CAMK1D: variants seen among roughly 807,000 people sequenced by gnomAD.
CAMK1D encodes the protein calcium/calmodulin-dependent protein kinase type 1D.
In CAMK1D, 9 loss-of-function variants were observed where a neutral mutation model predicts 47.7. The observed-to-expected ratio is 0.19, with a 90% confidence interval of 0.11 to 0.33. CAMK1D has a LOEUF of 0.33. CAMK1D is among the 10% of genes least tolerant of loss of function. The pLI is 1.00. For synonymous variants in CAMK1D, 184 were observed against 184.9 expected, an observed-to-expected ratio of 0.99 and a Z score of 0.04; for missense variants, 291 against 488.7, an observed-to-expected ratio of 0.60 and a Z score of 3.81.
chr10:12,514,609 G>C (rs1375535957), intron 1 of CAMK1D, among the ~76,000 whole-genome samples: 1 of 152,228 alleles, frequency 6.6e-6, no homozygotes, highest in African/African-American at 2.4e-5. Context: ...TTGCCTCAAA[G>C]TCTGTATTAT....
intron 1 of CAMK1D, among the ~76,000 whole-genome samples, chr10:12,365,059 C>T (rs751162567): frequency 4.6e-5 from 7 of 151,644 alleles, no homozygotes; most frequent in African/African-American, 1.5e-4. Flanking sequence ...CAGGTTCAAG[C>T]GATTCTCCTG....
chr10:12,599,055 T>G (rs1588675712), intron 2 of CAMK1D, among the ~76,000 whole-genome samples: 1 of 152,276 alleles, frequency 6.6e-6, no homozygotes, highest in South Asian at 2.1e-4. Flanking sequence ...GCCCATGATT[T>G]AGGAAAGGCC....
chr10:12,633,416 G>A (rs1360195726), intron 2 of CAMK1D, among the ~76,000 whole-genome samples: 1 of 152,150 alleles, frequency 6.6e-6, no homozygotes, highest in Non-Finnish European at 1.5e-5. Context: ...AGATTGACCT[G>A]GAGAAGGTCA....
chr10:12,644,697 T>G (rs998791851), intron 2 of CAMK1D, among the ~76,000 whole-genome samples: 6 of 152,226 alleles, frequency 3.9e-5, no homozygotes, highest in African/African-American at 1.4e-4. Flanking sequence ...CTTCTAGCCT[T>G]TTCTACTGAA....
At chr10:12,473,970 C>G (rs1414438486) in intron 1 of CAMK1D, among the ~76,000 whole-genome samples, 1 of 152,072 alleles carries the variant, frequency 6.6e-6, no homozygotes, top group African/African-American at 2.4e-5. Flanking sequence ...TATTTTTAAA[C>G]CCAGGATAGT....
chr10:12,380,684 A>G (rs12267756), intron 1 of CAMK1D, among the ~76,000 whole-genome samples: 28,759 of 152,094 alleles, frequency 0.19, 2,952 homozygotes, highest in African/African-American at 0.26. Flanking sequence ...GTGAAACCCC[A>G]TCTCTACTAA....
At chr10:12,585,588 C>G (rs1837792336) in intron 2 of CAMK1D, among the ~76,000 whole-genome samples, 1 of 152,312 alleles carries the variant, frequency 6.6e-6, no homozygotes, top group East Asian at 1.9e-4. Context: ...AATGGCACAT[C>G]TTACATGGTG....
At chr10:12,484,913 G>A (rs1023331409) in intron 1 of CAMK1D, among the ~76,000 whole-genome samples, 2 of 152,134 alleles carry the variant, frequency 1.3e-5, no homozygotes, top group African/African-American at 4.8e-5. Flanking sequence ...GGTGTGCCCC[G>A]CAGAAATCTC....
At chr10:12,740,096 TC>T (rs773072555) in intron 3 of CAMK1D, among the ~76,000 whole-genome samples, 2 of 152,224 alleles carry the variant, frequency 1.3e-5, no homozygotes, top group Non-Finnish European at 2.9e-5. Context: ...TTCTCCACCT[TC>T]CTTCTGTGAA....
At chr10:12,396,229 G>C (rs1838949373) in intron 1 of CAMK1D, among the ~76,000 whole-genome samples, 1 of 152,288 alleles carries the variant, frequency 6.6e-6, no homozygotes, top group Middle Eastern at 3.4e-3. Flanking sequence ...CCTTAACTCG[G>C]AGCAGCAGTG....
At chr10:12,746,283 G>GA (rs1004525863) in intron 3 of CAMK1D, among the ~76,000 whole-genome samples, 2 of 149,200 alleles carry the variant, frequency 1.3e-5, no homozygotes, top group African/African-American at 5.0e-5. Flanking sequence ...AGAATGGCGT[G>GA]AACCCGGGAG....
At chr10:12,594,177 A>G (rs1285393354) in intron 2 of CAMK1D, among the ~76,000 whole-genome samples, 1 of 152,202 alleles carries the variant, frequency 6.6e-6, no homozygotes, top group Non-Finnish European at 1.5e-5. Context: ...AAGTTCTGTC[A>G]TTATAAGAGG....
At chr10:12,685,279 C>T (rs1032176321) in intron 3 of CAMK1D, among the ~76,000 whole-genome samples, 1 of 152,166 alleles carries the variant, frequency 6.6e-6, no homozygotes, top group African/African-American at 2.4e-5. Context: ...CCAGCCTGGG[C>T]GACAGAACGA....
At chr10:12,387,906 T>G (rs1288456086) in intron 1 of CAMK1D, among the ~76,000 whole-genome samples, 1 of 152,188 alleles carries the variant, frequency 6.6e-6, no homozygotes, top group Non-Finnish European at 1.5e-5. Context: ...AAATTTCCCT[T>G]TCGCCCCTGC....
intron 1 of CAMK1D, among the ~76,000 whole-genome samples, chr10:12,430,183 GTTTGGGA>G (rs1293591552): frequency 6.6e-6 from 1 of 152,102 alleles, no homozygotes; most frequent in African/African-American, 2.4e-5. Context: ...AATCCTGCTC[GTTTGGGA>G]TTTGTGAGCA....
intron 3 of CAMK1D, among the ~76,000 whole-genome samples, chr10:12,714,432 G>T (rs1834042163): frequency 6.6e-6 from 1 of 151,892 alleles, no homozygotes; most frequent in South Asian, 2.1e-4. Context: ...ATAAATAGGT[G>T]CATTAAGGCC....
chr10:12,817,749 G>C (rs564214294), intron 8 of CAMK1D, among the ~76,000 whole-genome samples: 1 of 152,128 alleles, frequency 6.6e-6, no homozygotes, highest in Non-Finnish European at 1.5e-5. Context: ...GGAGTGCAGT[G>C]GGGCAGTCTC....
chr10:12,563,694 A>AGAGAGAGAGAGAGAGAGAGAGAGAGG (rs1837024527), intron 2 of CAMK1D, among the ~76,000 whole-genome samples: 1 of 64,374 alleles, frequency 1.6e-5, no homozygotes, highest in African/African-American at 5.0e-5. Context: ...AGAGAGAGAG[A>AGAGAGAGAGAGAGAGAGAGAGAGAGG]GAGAGGGAGA....
intron 1 of CAMK1D, among the ~76,000 whole-genome samples, chr10:12,400,130 G>A (rs1356857902): frequency 1.3e-5 from 2 of 152,158 alleles, no homozygotes; most frequent in African/African-American, 4.8e-5. Context: ...TACGACTTTA[G>A]GAATTTAAGA....
Sources: gnomAD v4.1 joint callset for allele counts (sites outside exome capture counted in the v4.1 genomes callset) on GRCh38, gnomAD v4.1.1 for gene constraint, MANE v1.5 for transcripts, NCBI Gene and HGNC (gene_info 2026-07-23, HGNC 2026-07-21) for gene names.